Variants in KCTD16 observed in about 807,000 individuals in gnomAD.
KCTD16 encodes the protein potassium channel tetramerization domain containing 16.
KCTD16 carries 13 observed loss-of-function variants against 33.2 expected under a neutral mutation model. That is an observed-to-expected ratio of 0.39 (90% CI 0.25 to 0.62). The LOEUF (loss-of-function observed/expected upper bound fraction) is 0.62. Ranked by LOEUF, KCTD16 falls within the 20% of genes least tolerant of loss-of-function variation. The pLI, the probability that KCTD16 is intolerant of heterozygous loss-of-function variation, is 0.50. For synonymous variants in KCTD16, 197 were observed against 195.3 expected, an observed-to-expected ratio of 1.01 and a Z score of -0.07; for missense variants, 441 against 525.1, an observed-to-expected ratio of 0.84 and a Z score of 1.57.
Position 144,188,404 on chromosome 5 carries a change from T to C in KCTD16, c.-327+13932T>C, listed in dbSNP as rs576625305. 1.5e-4 allele frequency among the ~76,000 whole-genome samples: 23 copies of C among 152,342 alleles called. No homozygotes were observed. In the South Asian group the frequency reaches 3.5e-3, roughly 23 times the overall value. On this transcript the variant is annotated intron_variant, in intron 2 of 3. Coordinates refer to ENST00000512467, the MANE Select transcript of KCTD16 (RefSeq NM_020768.4). Reference sequence around the variant, plus strand: ...GTCAAAGTTAGTTTTAAGAATGCATTTCCTGATGGAGTTTAGAATGATACA... The same window carrying C: ...GTCAAAGTTAGTTTTAAGAATGCATCTCCTGATGGAGTTTAGAATGATACA...
chr5:144,248,589 C>G (rs6866844), intron 3 of KCTD16, among the ~76,000 whole-genome samples: 2 of 152,126 alleles, frequency 1.3e-5, no homozygotes, highest in Non-Finnish European at 2.9e-5. Context: ...AATAGACTGT[C>G]GAGAGATGTG....
intron 3 of KCTD16, among the ~76,000 whole-genome samples, chr5:144,408,336 T>C (rs901923445): frequency 1.3e-5 from 2 of 152,230 alleles, no homozygotes; most frequent in African/African-American, 2.4e-5. Flanking sequence ...GACTCCATTT[T>C]GAATACTATA....
chr5:144,395,582 T>G (rs1752550253), intron 3 of KCTD16, among the ~76,000 whole-genome samples: 1 of 152,210 alleles, frequency 6.6e-6, no homozygotes. Context: ...TCTTCCTTAC[T>G]CACAGCCTAC....
rs1021547686 is a variant in KCTD16 at position 144,484,137 on chromosome 5, C to A, written c.*10023C>A. The A allele has an allele frequency of 2.0e-5, 3 of 151,776 alleles. No homozygotes were observed. Among genetic ancestry groups the A allele is most frequent in the African/African-American group, 4.8e-5 (2 of 41,340 alleles). The allele number at this position is 151,776 out of a possible 1,614,324, so 9.4% of individuals were successfully genotyped here. A position where few individuals can be genotyped will look rare whatever the true frequency, so the allele number is the denominator to read the frequency against. The stretch of plus-strand genomic sequence containing the variant: ...ATATACTGCTTAGTTTAGAGACGGA[C>A]AAACTAATGTATTTTTGTAAATCAT... On this transcript the variant is annotated 3_prime_UTR_variant, in exon 4 of 4. Coordinates refer to ENST00000512467, the MANE Select transcript of KCTD16 (RefSeq NM_020768.4).
chr5:144,366,601 A>AT (rs1342628739), intron 3 of KCTD16, among the ~76,000 whole-genome samples: 1 of 152,186 alleles, frequency 6.6e-6, no homozygotes, highest in African/African-American at 2.4e-5. Context: ...AGATGCTGCT[A>AT]TGCCTGTGAC....
chr5:144,423,591 T>C lies in KCTD16; in HGVS notation c.833-50069T>C, dbSNP rs192098598. Among the ~76,000 whole-genome samples, 37 of 152,274 alleles carry C rather than the reference T, an allele frequency of 2.4e-4. No homozygotes were observed. In the East Asian group the frequency reaches 5.4e-3, roughly 22 times the overall value. ...AGACCAGGGATACTACTAAGTATCT[T>C]ACAATGCACAGGACAACCTCTCACA... On this transcript the variant is annotated intron_variant, in intron 3 of 3. Coordinates refer to ENST00000512467, the MANE Select transcript of KCTD16 (RefSeq NM_020768.4).
At chr5:144,246,569 G>A (rs1754554186) in intron 3 of KCTD16, among the ~76,000 whole-genome samples, 1 of 152,010 alleles carries the variant, frequency 6.6e-6, no homozygotes. Context: ...TGTTAACTTA[G>A]GAGAAACTGG....
At chr5:144,275,515 C>T (rs1415557150) in intron 3 of KCTD16, among the ~76,000 whole-genome samples, 1 of 152,192 alleles carries the variant, frequency 6.6e-6, no homozygotes, top group African/African-American at 2.4e-5. Context: ...CTCTCTAAAA[C>T]TGTATTGTTA....
chr5:144,467,027 C>CTA (rs1460980757), intron 3 of KCTD16, among the ~76,000 whole-genome samples: 52 of 67,420 alleles, frequency 7.7e-4, no homozygotes, highest in Admixed American at 1.2e-3. Context: ...ATATATAACA[C>CTA]TATATATTAT....
chr5:144,249,813 G>A (rs1051445657), intron 3 of KCTD16, among the ~76,000 whole-genome samples: 1 of 152,128 alleles, frequency 6.6e-6, no homozygotes, highest in East Asian at 1.9e-4. Flanking sequence ...AAATGACAGA[G>A]CCTGACTTTG....
chr5:144,315,514 A>C (rs1450230558), intron 3 of KCTD16, among the ~76,000 whole-genome samples: 1 of 152,196 alleles, frequency 6.6e-6, no homozygotes, highest in African/African-American at 2.4e-5. Context: ...GTTCCCTGGA[A>C]TCTCATCCCA....
chr5:144,438,615 G>T (rs1055032035), intron 3 of KCTD16, among the ~76,000 whole-genome samples: 2 of 152,190 alleles, frequency 1.3e-5, no homozygotes, highest in South Asian at 2.1e-4. Context: ...GTTGATGCAG[G>T]ATGCTCTGTA....
chr5:144,223,422 A>G (rs1055407719), intron 3 of KCTD16, among the ~76,000 whole-genome samples: 7 of 152,324 alleles, frequency 4.6e-5, no homozygotes, highest in African/African-American at 1.7e-4. Context: ...TAAAGAAGAT[A>G]AAATGAAAAA....
chr5:144,313,338 G>T (rs1284042257), intron 3 of KCTD16, among the ~76,000 whole-genome samples: 2 of 152,158 alleles, frequency 1.3e-5, no homozygotes, highest in Non-Finnish European at 2.9e-5. Context: ...ACTTTTGCCA[G>T]CTTCAGTTTT....
intron 3 of KCTD16, among the ~76,000 whole-genome samples, chr5:144,335,719 T>C (rs932628219): frequency 6.6e-6 from 1 of 151,900 alleles, no homozygotes; most frequent in South Asian, 2.1e-4. Context: ...AAAACCAATA[T>C]TGAAACAGAA....
At chr5:144,436,484 T>C (rs73299611) in intron 3 of KCTD16, among the ~76,000 whole-genome samples, 6,393 of 152,182 alleles carry the variant, frequency 0.042, 460 homozygotes, top group African/African-American at 0.15. Flanking sequence ...GAGACCTAGA[T>C]TCTAGTCCAG....
chr5:144,381,284 G>GATATTGGCAA, intron 3 of KCTD16, among the ~76,000 whole-genome samples: 1 of 152,172 alleles, frequency 6.6e-6, no homozygotes, highest in Middle Eastern at 3.4e-3. Flanking sequence ...TTATTAAAAA[G>GATATTGGCAA]TCAAAAAATA....
At chr5:144,405,418 T>C (rs182877106) in intron 3 of KCTD16, among the ~76,000 whole-genome samples, 1 of 152,220 alleles carries the variant, frequency 6.6e-6, no homozygotes, top group East Asian at 1.9e-4. Context: ...CAAATTACTT[T>C]CCTGGATACC....
chr5:144,417,606 T>A (rs1485626191), intron 3 of KCTD16, among the ~76,000 whole-genome samples: 1 of 152,198 alleles, frequency 6.6e-6, no homozygotes. Context: ...TATTTTTAAA[T>A]TTTTGATGAG....
Sources: gnomAD v4.1 joint callset for allele counts (sites outside exome capture counted in the v4.1 genomes callset) on GRCh38, gnomAD v4.1.1 for gene constraint, MANE v1.5 for transcripts, NCBI Gene and HGNC (gene_info 2026-07-23, HGNC 2026-07-21) for gene names.